Variants in CARMIL1 observed in about 807,000 individuals in gnomAD.
The protein encoded by CARMIL1 is F-actin-uncapping protein LRRC16A.
In CARMIL1, 90 loss-of-function variants were observed where a neutral mutation model predicts 177.1. The ratio of observed to expected loss-of-function variants is 0.51; its 90% CI spans 0.43 to 0.61. CARMIL1 has a LOEUF of 0.61. Among genes scored for constraint, CARMIL1 ranks in the 20% least tolerant of loss-of-function variants. CARMIL1 has a pLI of 0.00. For missense variants in CARMIL1, 1,380 were observed against 1,667.0 expected, an observed-to-expected ratio of 0.83 and a Z score of 3.00; for synonymous variants, 577 against 606.2, an observed-to-expected ratio of 0.95 and a Z score of 0.71.
intron 24 of CARMIL1, among the ~76,000 whole-genome samples, chr6:25,532,118 A>G (rs1242649034): frequency 6.9e-6 from 1 of 145,414 alleles, no homozygotes; most frequent in South Asian, 2.2e-4. Context: ...CTTTTTTTTG[A>G]GACAGAGTTT....
rs1426661308 is a variant in CARMIL1, at chr6:25,430,672, C to G, written c.249+4112C>G. Among the ~76,000 whole-genome samples, 3 of 151,972 alleles carry G rather than the reference C, an allele frequency of 2.0e-5. No individual in the cohort carries two copies. In the East Asian group the frequency reaches 5.8e-4, roughly 29 times the overall value. On this transcript the variant is annotated intron_variant, in intron 4 of 36. Coordinates refer to ENST00000329474, the MANE Select transcript of CARMIL1 (RefSeq NM_017640.6). ...ACTCGAACTTCTGAGCTCAAGCGAT[C>G]CACCTCCCTCAGCCTCCCAAAGTAC...
intron 2 of CARMIL1, among the ~76,000 whole-genome samples, chr6:25,392,129 C>G (rs535208891): frequency 6.7e-6 from 1 of 150,094 alleles, no homozygotes; most frequent in East Asian, 2.0e-4. Context: ...GAGTTTGCCA[C>G]CTGTGCCATA....
At chr6:25,478,587 G>C (rs1226184859) in intron 11 of CARMIL1, among the ~76,000 whole-genome samples, 2 of 152,130 alleles carry the variant, frequency 1.3e-5, no homozygotes, top group Non-Finnish European at 2.9e-5. Context: ...ACAAGGTCAG[G>C]AGATCAAGAC....
chr6:25,556,179 G>A (rs1299899868), intron 28 of CARMIL1, among the ~76,000 whole-genome samples: 1 of 152,130 alleles, frequency 6.6e-6, no homozygotes, highest in African/African-American at 2.4e-5. Flanking sequence ...GCTCAGCACT[G>A]AAGTTTGTTA....
intron 24 of CARMIL1, among the ~76,000 whole-genome samples, chr6:25,534,491 C>T (rs189102142): frequency 9.9e-5 from 15 of 151,708 alleles, no homozygotes; most frequent in African/African-American, 2.4e-4. Flanking sequence ...TTTCTCAATC[C>T]GTACAAATCT....
intron 2 of CARMIL1, among the ~76,000 whole-genome samples, chr6:25,399,361 A>T (rs78454343): frequency 0.019 from 2,956 of 152,228 alleles, 115 homozygotes; most frequent in East Asian, 0.13. Context: ...TGCATTAGAG[A>T]AGACCCTCAA....
At chr6:25,608,142 G>A (rs59606579) in intron 35 of CARMIL1, among the ~76,000 whole-genome samples, 43,734 of 151,936 alleles carry the variant, frequency 0.29, 6,327 homozygotes, top group Non-Finnish European at 0.3. Context: ...AGTTCTTATA[G>A]AATGAATCTA....
Position 25,420,126 on chromosome 6 carries a change from T to A in CARMIL1, c.151T>A (p.Cys51Ser), listed in dbSNP as rs537670805. The A allele has an allele frequency of 1.1e-5, 18 of 1,613,544 alleles. No homozygotes were observed. The highest frequency in any genetic ancestry group is 1.5e-5 in the Non-Finnish European group (18 of 1,179,506). Reference sequence around the variant, plus strand: ...TTCTGTCTTACAGGTCCTTACATCATGCCGAGCCTTCCTTGTAACAGCGCG... The same window carrying A: ...TTCTGTCTTACAGGTCCTTACATCAAGCCGAGCCTTCCTTGTAACAGCGCG... ...VENKVLVLTS[C>S]RAFLVTARIP... Residue 51 changes from cysteine (C) to serine (S), a missense_variant, in exon 3 of 37, where the codon TGC (cysteine) becomes AGC (serine). Transcript: ENST00000329474.
chr6:25,527,484 TTAA>T (rs1179397610), intron 23 of CARMIL1, among the ~76,000 whole-genome samples: 1 of 152,110 alleles, frequency 6.6e-6, no homozygotes, highest in Non-Finnish European at 1.5e-5. Flanking sequence ...TGTATAAGAA[TTAA>T]TAAAGCAAAA....
At chr6:25,556,595 C>A in intron 28 of CARMIL1, 106 bp from the exon 29 acceptor site, 1 of 983,528 alleles carries the variant, frequency 1.0e-6, no homozygotes, top group Non-Finnish European at 1.5e-6. Context: ...CACTCGTCAG[C>A]TTTGTGCTCC....
At chr6:25,440,197 C>T (rs537505231) in intron 5 of CARMIL1, among the ~76,000 whole-genome samples, 7 of 152,304 alleles carry the variant, frequency 4.6e-5, no homozygotes, top group Admixed American at 3.9e-4. Flanking sequence ...AAACCATGAA[C>T]TCATTAGCTG....
intron 29 of CARMIL1, among the ~76,000 whole-genome samples, chr6:25,576,809 T>C (rs2151237889): frequency 6.6e-6 from 1 of 152,368 alleles, no homozygotes; most frequent in South Asian, 2.1e-4. Context: ...ATTAATATGT[T>C]GGCCTCATTC....
At chr6:25,294,366 T>C (rs536236156) in intron 2 of CARMIL1, among the ~76,000 whole-genome samples, 2 of 152,334 alleles carry the variant, frequency 1.3e-5, no homozygotes, top group South Asian at 4.1e-4. Flanking sequence ...GGGAAATTTA[T>C]TGAGACCTTG....
chr6:25,462,949 G>T (rs1299239111), intron 8 of CARMIL1, among the ~76,000 whole-genome samples: 1 of 152,098 alleles, frequency 6.6e-6, no homozygotes, highest in Non-Finnish European at 1.5e-5. Flanking sequence ...ATATGTCATT[G>T]TCTCCTTCTA....
rs7769283 is a variant in CARMIL1, at chr6:25,482,064, C to T, written c.875-193C>T. ...TGTATGCCTAATAAGACAATCTTCC[C>T]CTTCTCTTACCCTGTAGGTAGGACA... On this transcript the variant is annotated intron_variant, in intron 11 of 36. Coordinates refer to ENST00000329474, the MANE Select transcript of CARMIL1 (RefSeq NM_017640.6). Among the ~76,000 whole-genome samples, 1,336 of 152,216 alleles carry T rather than the reference C, an allele frequency of 8.8e-3. 19 individuals carry two copies. The highest frequency in any genetic ancestry group is 0.029 in the African/African-American group (1,217 of 41,528).
chr6:25,605,154 A>C lies in CARMIL1; in HGVS notation c.3634+261A>C, dbSNP rs147519144. On this transcript the variant is annotated intron_variant, in intron 34 of 36. Coordinates refer to ENST00000329474, the MANE Select transcript of CARMIL1 (RefSeq NM_017640.6). ...GGGAGGAAATTCTGACTGTTTTTTC[A>C]TTGCAAACTCCTCAGCTTTGAGCAT... Among the ~76,000 whole-genome samples, 67 of 152,188 alleles carry C rather than the reference A, an allele frequency of 4.4e-4. 1 individual carries two copies. The highest frequency in any genetic ancestry group is 1.6e-3 in the African/African-American group (66 of 41,536).
chr6:25,495,084 C>T (rs1393031843), intron 15 of CARMIL1, 27 bp from the exon 16 acceptor site: 1 of 1,357,688 alleles, frequency 7.4e-7, no homozygotes, highest in South Asian at 1.2e-5. Flanking sequence ...GGTGTAACCG[C>T]TTGTGTAACT....
At chr6:25,502,859 T>C (rs1040175269) in intron 17 of CARMIL1, among the ~76,000 whole-genome samples, 1 of 152,198 alleles carries the variant, frequency 6.6e-6, no homozygotes. Flanking sequence ...GTGATAATTA[T>C]TAGACTACTA....
chr6:25,320,996 C>T (rs2150238128), intron 2 of CARMIL1, among the ~76,000 whole-genome samples: 1 of 152,266 alleles, frequency 6.6e-6, no homozygotes, highest in South Asian at 2.1e-4. Context: ...GGCCCATGGG[C>T]CATGAATTGG....
Sources: gnomAD v4.1 joint callset for allele counts (sites outside exome capture counted in the v4.1 genomes callset) on GRCh38, gnomAD v4.1.1 for gene constraint, MANE v1.5 for transcripts, NCBI Gene and HGNC (gene_info 2026-07-23, HGNC 2026-07-21) for gene names.